COP1: variants seen among roughly 807,000 people sequenced by gnomAD.
COP1 encodes E3 ubiquitin-protein ligase COP1.
A neutral mutation model predicts 101.3 loss-of-function variants in COP1; 24 were observed. The ratio of observed to expected loss-of-function variants is 0.24; its 90% CI spans 0.17 to 0.33. COP1 has a LOEUF of 0.33. Ranked by LOEUF, COP1 falls within the 10% of genes least tolerant of loss-of-function variation. COP1 has a pLI of 1.00. For synonymous variants in COP1, 347 were observed against 341.9 expected (o/e 1.01, Z -0.17); for missense variants, 663 against 906.2 (o/e 0.73, Z 3.45).
intron 11 of COP1, among the ~76,000 whole-genome samples, chr1:176,052,208 A>G (rs543152630): frequency 6.6e-6 from 1 of 152,326 alleles, no homozygotes; most frequent in South Asian, 2.1e-4. Context: ...AGCTACCTAC[A>G]GCATTCAGTA....
At chr1:176,143,086 GAT>G (rs1450232699) in intron 6 of COP1, among the ~76,000 whole-genome samples, 1 of 150,930 alleles carries the variant, frequency 6.6e-6, no homozygotes, top group African/African-American at 2.4e-5. Context: ...CCATATAATT[GAT>G]ATATTCCTGG....
At chr1:176,075,446 T>G (rs747498078) in intron 11 of COP1, among the ~76,000 whole-genome samples, 1 of 152,216 alleles carries the variant, frequency 6.6e-6, no homozygotes, top group African/African-American at 2.4e-5. Flanking sequence ...ATTCCCGATA[T>G]GCCTCAAAAA....
intron 6 of COP1, among the ~76,000 whole-genome samples, chr1:176,139,364 T>C (rs1690314422): frequency 6.6e-6 from 1 of 151,150 alleles, no homozygotes; most frequent in South Asian, 2.1e-4. Flanking sequence ...CTGGTGGGAA[T>C]GTAAATTAGT....
rs60998287 is a variant in COP1 at position 176,076,003 on chromosome 1, C to CAAAAA, written c.1277+5144_1277+5148dup. On this transcript the variant is annotated intron_variant, in intron 11 of 19. Transcript: ENST00000367669. ...GGGTAACAAGCGCAAAACTCCATCTCAAAAAAAAAAAAAAAAAAAATAGTA... is the reference window on the plus strand; with the variant it reads ...GGGTAACAAGCGCAAAACTCCATCTCAAAAAAAAAAAAAAAAAAAAAAAAATAGTA... Among the ~76,000 whole-genome samples, 222 of 96,484 alleles carry CAAAAA rather than the reference C, an allele frequency of 2.3e-3. 7 individuals carry two copies. Among genetic ancestry groups the CAAAAA allele is most frequent in the Middle Eastern group, 7.9e-3 (1 of 126 alleles). The allele number at this position is 96,484 out of a possible 152,430, so 63.3% of individuals were successfully genotyped here.
At chr1:175,977,055 T>C (rs1237659285) in intron 18 of COP1, among the ~76,000 whole-genome samples, 1 of 152,198 alleles carries the variant, frequency 6.6e-6, no homozygotes, top group African/African-American at 2.4e-5. Flanking sequence ...ATGGCATTAC[T>C]GCTTCAGATA....
At chr1:176,164,720 A>C (rs1194425474) in intron 3 of COP1, among the ~76,000 whole-genome samples, 1 of 152,186 alleles carries the variant, frequency 6.6e-6, no homozygotes, top group Non-Finnish European at 1.5e-5. Context: ...AACCACTGAT[A>C]ACTAGTTCTA....
intron 18 of COP1, among the ~76,000 whole-genome samples, chr1:175,978,096 C>T (rs991932347): frequency 1.3e-5 from 2 of 152,002 alleles, no homozygotes; most frequent in Non-Finnish European, 2.9e-5. Flanking sequence ...ATTCATAATA[C>T]ACTCTCAAAT....
At chr1:175,964,042 T>C (rs1651705489) in intron 18 of COP1, among the ~76,000 whole-genome samples, 1 of 152,208 alleles carries the variant, frequency 6.6e-6, no homozygotes, top group South Asian at 2.1e-4. Flanking sequence ...ACTATTTTCT[T>C]AGTACTTTCC....
intron 9 of COP1, among the ~76,000 whole-genome samples, chr1:176,103,817 G>T (rs191844559): frequency 1.2e-4 from 19 of 152,128 alleles, no homozygotes; most frequent in Admixed American, 2.6e-4. Flanking sequence ...GCAAAACCTA[G>T]AGTTAAAATC....
chr1:176,116,875 T>C (rs185185380), intron 8 of COP1, among the ~76,000 whole-genome samples, 194 bp from the exon 9 acceptor site: 182 of 152,310 alleles, frequency 1.2e-3, no homozygotes, highest in African/African-American at 4.3e-3. Flanking sequence ...ATTTACCACT[T>C]CAACCCACCA....
chr1:175,971,711 A>T (rs141491498), intron 18 of COP1, among the ~76,000 whole-genome samples: 262 of 152,314 alleles, frequency 1.7e-3, no homozygotes, highest in African/African-American at 6.1e-3. Context: ...TAAACATCAG[A>T]ACACAGTACC....
chr1:176,075,140 A>G (rs1027772247), intron 11 of COP1, among the ~76,000 whole-genome samples: 2 of 152,164 alleles, frequency 1.3e-5, no homozygotes, highest in African/African-American at 4.8e-5. Context: ...CTACGTTATC[A>G]ATGATTTTTT....
intron 10 of COP1, among the ~76,000 whole-genome samples, chr1:176,082,249 G>GT (rs1185921185): frequency 6.6e-6 from 1 of 152,082 alleles, no homozygotes; most frequent in Non-Finnish European, 1.5e-5. Flanking sequence ...TTATACCACT[G>GT]TATTTTCATA....
Position 176,175,806 on chromosome 1 carries a change from G to A in COP1, c.565+104C>T, listed in dbSNP as rs115687589. ...AAAGCACTGTGGTATACAGTAGAGA[G>A]AGACTTGCTTACCACTAAGGTAGGT... On this transcript the variant is annotated intron_variant, in intron 3 of 19. Coordinates refer to ENST00000367669, the MANE Select transcript of COP1 (RefSeq NM_022457.7). 6.5e-6 allele frequency: 4 copies of A among 616,486 alleles called. 1 individual carries two copies. The highest frequency in any genetic ancestry group is 2.7e-5 in the East Asian group (1 of 37,116). 38.2% of individuals were successfully genotyped at this position (616,486 alleles called of 1,614,324 possible). A position where few individuals can be genotyped will look rare whatever the true frequency, so the allele number is the denominator to read the frequency against.
chr1:176,054,746 T>G (rs974759961), intron 11 of COP1, among the ~76,000 whole-genome samples: 1 of 152,204 alleles, frequency 6.6e-6, no homozygotes, highest in Non-Finnish European at 1.5e-5. Context: ...CTGGATCTTT[T>G]CCATAAGGCT....
chr1:175,955,213 G>A (rs1055558311), intron 18 of COP1, among the ~76,000 whole-genome samples: 7 of 152,038 alleles, frequency 4.6e-5, no homozygotes, highest in African/African-American at 7.2e-5. Flanking sequence ...CTGTACTCTC[G>A]CCTGGGTGAC....
chr1:176,091,494 T>C (rs1261535357), intron 9 of COP1, among the ~76,000 whole-genome samples: 1 of 152,158 alleles, frequency 6.6e-6, no homozygotes, highest in Non-Finnish European at 1.5e-5. Flanking sequence ...CTATTAATCG[T>C]CATATCTAGT....
intron 18 of COP1, among the ~76,000 whole-genome samples, chr1:175,958,966 G>T (rs150627871): frequency 6.6e-6 from 1 of 151,820 alleles, no homozygotes. Context: ...GCTTTATGAA[G>T]TTAATATACC....
At chr1:175,949,327 A>T (rs1649591358) in intron 18 of COP1, among the ~76,000 whole-genome samples, 1 of 151,750 alleles carries the variant, frequency 6.6e-6, no homozygotes, top group African/African-American at 2.4e-5. Flanking sequence ...AAGGAAGATG[A>T]ATTTGGGATT....
Sources: allele counts gnomAD v4.1 joint callset (sites outside exome capture counted in the v4.1 genomes callset), GRCh38; gene constraint gnomAD v4.1.1; transcripts MANE v1.5; gene names NCBI Gene and HGNC (gene_info 2026-07-23, HGNC 2026-07-21).